Variants in ROBO2 observed in about 807,000 individuals in gnomAD.
ROBO2 encodes the protein roundabout guidance receptor 2, also known as roundabout homolog 2.
ROBO2 carries 53 observed loss-of-function variants against 160.8 expected under a neutral mutation model. The ratio of observed to expected loss-of-function variants is 0.33; its 90% CI spans 0.26 to 0.41. The LOEUF is 0.41. ROBO2 is among the 10% of genes least tolerant of loss of function. The probability of loss-of-function intolerance (pLI) is 1.00; values close to 1 mark genes in which losing one functional copy is unlikely to be tolerated. For synonymous variants in ROBO2, 664 were observed against 611.7 expected, an observed-to-expected ratio of 1.09 and a Z score of -1.26; for missense variants, 1,577 against 1,722.4, an observed-to-expected ratio of 0.92 and a Z score of 1.49.
At chr3:76,411,817 A>G (rs923746533) in intron 2 of ROBO2, among the ~76,000 whole-genome samples, 5 of 152,206 alleles carry the variant, frequency 3.3e-5, no homozygotes, top group Non-Finnish European at 7.3e-5. Flanking sequence ...TAGAATGTGT[A>G]TATGTCCTGT....
chr3:76,061,757 T>C (rs2068075979), intron 2 of ROBO2, among the ~76,000 whole-genome samples: 1 of 152,112 alleles, frequency 6.6e-6, no homozygotes, highest in South Asian at 2.1e-4. Context: ...TATCTTATAA[T>C]TATGTAGCCT....
chr3:76,118,323 A>G (rs1439174038), intron 2 of ROBO2, among the ~76,000 whole-genome samples: 1 of 152,208 alleles, frequency 6.6e-6, no homozygotes, highest in Non-Finnish European at 1.5e-5. Context: ...AGCAAACTTT[A>G]TCAGTAATTT....
intron 2 of ROBO2, among the ~76,000 whole-genome samples, chr3:77,416,099 A>T (rs897006551): frequency 7.2e-5 from 11 of 152,200 alleles, no homozygotes; most frequent in Admixed American, 3.3e-4. Context: ...AAGGCAGGGA[A>T]GAATTTTATT....
chr3:76,998,190 G>A (rs1248236500), intron 2 of ROBO2, among the ~76,000 whole-genome samples: 1 of 152,082 alleles, frequency 6.6e-6, no homozygotes, highest in Non-Finnish European at 1.5e-5. Flanking sequence ...ACATATTAGG[G>A]AGCATTGATT....
At chr3:76,300,040 A>T (rs1370935762) in intron 2 of ROBO2, among the ~76,000 whole-genome samples, 1 of 152,164 alleles carries the variant, frequency 6.6e-6, no homozygotes, top group Non-Finnish European at 1.5e-5. Flanking sequence ...TAAAAATAAC[A>T]TCCAATAATT....
At chr3:76,983,781 C>G (rs1287056264) in intron 2 of ROBO2, among the ~76,000 whole-genome samples, 1 of 152,198 alleles carries the variant, frequency 6.6e-6, no homozygotes, top group South Asian at 2.1e-4. Flanking sequence ...CATGAGGAAA[C>G]TGAATTCCTA....
chr3:76,355,044 A>ATG (rs373836406), intron 2 of ROBO2, among the ~76,000 whole-genome samples: 162 of 148,994 alleles, frequency 1.1e-3, no homozygotes, highest in South Asian at 7.6e-3. Flanking sequence ...GTGTATGTGT[A>ATG]TGTGTGTGTG....
chr3:76,571,704 T>A (rs2084966798), intron 2 of ROBO2, among the ~76,000 whole-genome samples: 1 of 152,190 alleles, frequency 6.6e-6, no homozygotes, highest in African/African-American at 2.4e-5. Context: ...CTGTTTAAGT[T>A]AAATTACATT....
chr3:76,617,941 A>G (rs1265851936), intron 2 of ROBO2, among the ~76,000 whole-genome samples: 2 of 151,548 alleles, frequency 1.3e-5, no homozygotes, highest in African/African-American at 4.9e-5. Flanking sequence ...GGTAACTCCC[A>G]CAACATGTGG....
chr3:76,120,161 C>A (rs905950081), intron 2 of ROBO2, among the ~76,000 whole-genome samples: 3 of 151,880 alleles, frequency 2.0e-5, no homozygotes, highest in Non-Finnish European at 4.4e-5. Flanking sequence ...ACCACCATGA[C>A]TGGATAATTT....
chr3:76,243,004 C>A (rs1182156158), intron 2 of ROBO2, among the ~76,000 whole-genome samples: 2 of 152,154 alleles, frequency 1.3e-5, no homozygotes, highest in African/African-American at 2.4e-5. Flanking sequence ...GGACGATTCC[C>A]CCGCTTCTAG....
chr3:76,877,308 C>CACCTAACATTAAAGAAAGAAA (rs1472612423), intron 2 of ROBO2, among the ~76,000 whole-genome samples: 54 of 152,178 alleles, frequency 3.5e-4, no homozygotes, highest in Non-Finnish European at 7.2e-4. Context: ...AAACAGTACA[C>CACCTAACATTAAAGAAAGAAA]ACCTAAGTGT....
intron 2 of ROBO2, among the ~76,000 whole-genome samples, chr3:76,624,453 A>C (rs1198237147): frequency 6.6e-6 from 1 of 152,084 alleles, no homozygotes; most frequent in Non-Finnish European, 1.5e-5. Context: ...ATTTCCCCCC[A>C]AGAAATGGTA....
chr3:77,111,983 G>T (rs1173579291), intron 2 of ROBO2, among the ~76,000 whole-genome samples: 2 of 151,934 alleles, frequency 1.3e-5, no homozygotes, highest in African/African-American at 2.4e-5. Flanking sequence ...AGGCCGAGGT[G>T]GGCGGGTCGC....
At chr3:76,500,059 G>A (rs1021155020) in intron 2 of ROBO2, among the ~76,000 whole-genome samples, 6 of 152,072 alleles carry the variant, frequency 3.9e-5, no homozygotes, top group Admixed American at 6.6e-5. Flanking sequence ...CCCAAACACC[G>A]GTGGAGGGGA....
At chr3:76,836,169 G>A (rs2067673190) in intron 2 of ROBO2, among the ~76,000 whole-genome samples, 1 of 151,780 alleles carries the variant, frequency 6.6e-6, no homozygotes. Flanking sequence ...ATTATTTTAA[G>A]CCTATGAATG....
chr3:76,864,223 G>T (rs2775158), intron 2 of ROBO2, among the ~76,000 whole-genome samples: 41,971 of 151,592 alleles, frequency 0.28, 6,332 homozygotes, highest in East Asian at 0.45. Flanking sequence ...TCTCCTTCCG[G>T]GGGTTTACAA....
chr3:75,972,684 G>C (rs903463039), intron 2 of ROBO2, among the ~76,000 whole-genome samples: 1 of 151,646 alleles, frequency 6.6e-6, no homozygotes, highest in Non-Finnish European at 1.5e-5. Context: ...AGCAACATCA[G>C]TATTACATTG....
At chr3:76,077,462 C>T (rs1019279628) in intron 2 of ROBO2, among the ~76,000 whole-genome samples, 2 of 152,056 alleles carry the variant, frequency 1.3e-5, no homozygotes, top group African/African-American at 4.8e-5. Context: ...ACTCAGGAGG[C>T]TGAGGCAGGA....
Sources: allele counts gnomAD v4.1 joint callset (sites outside exome capture counted in the v4.1 genomes callset), GRCh38; gene constraint gnomAD v4.1.1; transcripts MANE v1.5; gene names NCBI Gene and HGNC (gene_info 2026-07-23, HGNC 2026-07-21).